TAF6: variants seen among roughly 807,000 people sequenced by gnomAD.
TAF6 encodes the protein TATA-box binding protein associated factor 6.
In TAF6, 50 loss-of-function variants were observed where a neutral mutation model predicts 73.5. The observed-to-expected ratio is 0.68, with a 90% CI of 0.54 to 0.86. The LOEUF (loss-of-function observed/expected upper bound fraction) is 0.86, where lower values mean the gene tolerates loss of function less well. TAF6 is among the 40% of genes least tolerant of loss of function. The pLI, the probability that TAF6 is intolerant of heterozygous loss-of-function variation, is 0.00. For missense variants in TAF6, 768 were observed against 899.5 expected (o/e 0.85, Z 1.87); for synonymous variants, 424 against 376.7 (o/e 1.13, Z -1.45).
chr7:100,121,721 T>G (rs1798072777), upstream of TAF6, among the ~76,000 whole-genome samples: 1 of 151,488 alleles, frequency 6.6e-6, no homozygotes, highest in African/African-American at 2.4e-5. Context: ...ATTACAGGTG[T>G]GAGCCACCAC....
chr7:100,122,309 C>A (rs537019181), upstream of TAF6: 8 of 1,613,926 alleles, frequency 5.0e-6, no homozygotes, highest in South Asian at 3.3e-5. Flanking sequence ...TCGCACCGGT[C>A]GATCTCGAGA....
chr7:100,119,778 CT>C (rs1347948509), upstream of TAF6: 1 of 1,613,988 alleles, frequency 6.2e-7, no homozygotes, highest in Admixed American at 1.7e-5. Flanking sequence ...ATTGCTTTTC[CT>C]TTTTTTGGCC....
In TAF6 at chr7:100,119,319, C is replaced by T; in HGVS notation, c.-175G>A. On this transcript the variant is annotated 5_prime_UTR_variant, in exon 1 of 15. Coordinates refer to ENST00000453269, the MANE Select transcript of TAF6 (RefSeq NM_139315.3). ...AGGAAAACTCTAGCGGCAGCCGAGA[C>T]GCTGCTCACCCGGCGCTCGGCGCCA... 3 of 1,032,444 alleles carry T rather than the reference C, an allele frequency of 2.9e-6. No homozygotes were observed. The highest frequency in any genetic ancestry group is 3.5e-6 in the Non-Finnish European group (3 of 857,972). The allele number at this position is 1,032,444 out of a possible 1,614,324, so 64.0% of individuals were successfully genotyped here.
rs543556832 is a variant in TAF6, at chr7:100,108,472, T to C, written c.1353A>G (p.Glu451=). The C allele has an allele frequency of 2.2e-5, 36 of 1,613,976 alleles. 1 individual carries two copies. The South Asian group carries it at 3.6e-4, about 16-fold the overall frequency. ...PPDNQDAYRA[E]FGSLGPLLCS... ...AGAGGAGGGGCCCAAGGGACCCGAA[T>C]TCTGCCCGATAGGCGTCCTGATTGT... The change falls in exon 13 of 15, where the codon GAA becomes GAG. Residue 451 remains glutamate, a synonymous_variant. Transcript: ENST00000453269.
chr7:100,122,953 A>G (rs753178936), upstream of TAF6: 3 of 1,573,336 alleles, frequency 1.9e-6, no homozygotes. Flanking sequence ...AGGGAACCTG[A>G]GAGGGGAGCT....
chr7:100,124,422 C>T (rs1798159773), upstream of TAF6: 1 of 994,694 alleles, frequency 1.0e-6, no homozygotes, highest in East Asian at 2.4e-5. Context: ...ACCTGCCTCT[C>T]CAAAATCAGT....
At chr7:100,109,548 G>A (rs1796967603) in intron 12 of TAF6, among the ~76,000 whole-genome samples, 1 of 151,922 alleles carries the variant, frequency 6.6e-6, no homozygotes, top group African/African-American at 2.4e-5. Flanking sequence ...CCAGGCTGGA[G>A]TGCAGTGGCA....
chr7:100,116,715 T>C (rs1584571038), intron 1 of TAF6: 1 of 152,086 alleles, frequency 6.6e-6, no homozygotes, highest in African/African-American at 2.4e-5. Flanking sequence ...AAAATTACCT[T>C]CTCCCCATTA....
chr7:100,125,511 A>C, the TAF6 span: 1 of 152,178 alleles, frequency 6.6e-6, no homozygotes, highest in Non-Finnish European at 1.5e-5. Flanking sequence ...TCTAAAAACT[A>C]GCTGGGCCCA....
intron 1 of TAF6, among the ~76,000 whole-genome samples, chr7:100,117,325 G>A (rs1562934129): frequency 6.8e-6 from 1 of 146,354 alleles, no homozygotes; most frequent in African/African-American, 2.5e-5. Flanking sequence ...AGGCTGGAGA[G>A]CAATGGCGCG....
rs1030135073 is a variant in TAF6, at chr7:100,107,576, AGTG to A, written c.1701_1703del (p.Thr568del). The A allele has an allele frequency of 2.5e-6, 4 of 1,613,660 alleles. No homozygotes were observed. The highest frequency in any genetic ancestry group is 2.7e-5 in the African/African-American group (2 of 74,884). ...TGGGGACGGTGGTGGTGACGGGCGA[AGTG>A]GTGGTGGAACCTGAGCCGGGGGCCG... On this transcript the variant is annotated inframe_deletion, in exon 15 of 15. Coordinates refer to ENST00000453269, the MANE Select transcript of TAF6 (RefSeq NM_139315.3).
At position 100,114,212 on chromosome 7, in the gene TAF6, T is replaced by C. The variant is rs922054372; in HGVS notation, c.-3A>G. ...TTCAGCTTCTTCTCCTCAGCCATTC[T>C]GGAGTCCCTCTTCTCCTCCCTGGAA... On this transcript the variant is annotated 5_prime_UTR_variant, in exon 2 of 15. Transcript: ENST00000453269. 2 of 1,614,162 alleles carry C rather than the reference T, an allele frequency of 1.2e-6. No individual in the cohort carries two copies. The highest frequency in any genetic ancestry group is 2.7e-5 in the African/African-American group (2 of 75,000).
rs762187035 is a variant in TAF6 at position 100,112,272 on chromosome 7, G to A, written c.575-19C>T. 12 of 1,606,808 alleles carry A rather than the reference G, an allele frequency of 7.5e-6. No individual in the cohort carries two copies. The African/African-American group carries it at 1.6e-4, about 22-fold the overall frequency. On this transcript the variant is annotated intron_variant, in intron 6 of 14. Transcript: ENST00000453269. Reference sequence around the variant, plus strand: ...TCTTTCCCTGTGTGATTGGAAAGGTGGGTCTGACAAAGAAAGCTCCAGAAG... The same window carrying A: ...TCTTTCCCTGTGTGATTGGAAAGGTAGGTCTGACAAAGAAAGCTCCAGAAG...
upstream of TAF6, chr7:100,122,750 G>A (rs759597218): frequency 6.2e-6 from 10 of 1,600,588 alleles, no homozygotes; most frequent in East Asian, 9.0e-5. Context: ...GTGGGGTGGT[G>A]AGCTGGGCTG....
chr7:100,124,758 T>A, upstream of TAF6: 1 of 1,613,290 alleles, frequency 6.2e-7, no homozygotes, highest in Non-Finnish European at 8.5e-7. Flanking sequence ...GGAAAGGAGA[T>A]CACAGATGGG....
rs771302893 is a variant in TAF6, at chr7:100,107,353, G to T, written c.1927C>A (p.Leu643Ile). The T allele has an allele frequency of 6.4e-7, 1 of 1,560,042 alleles. No homozygotes were observed. Among genetic ancestry groups the T allele is most frequent in the Non-Finnish European group, 8.7e-7 (1 of 1,151,364 alleles). The change falls in exon 15 of 15, where the codon CTT becomes ATT. Residue 643 changes from leucine (L) to isoleucine (I), a missense_variant. By Grantham distance (5) the Leu-to-Ile change is conservative. Transcript: ENST00000453269. Reference sequence around the variant, plus strand: ...CCAGCCTCCTGCTTCCCCCCACAAAGGGCACTGCCGCTGAGTGGGGACGGG... The same window carrying T: ...CCAGCCTCCTGCTTCCCCCCACAAATGGCACTGCCGCTGAGTGGGGACGGG... ...SSPSPLSGSA[L>I]CGGKQEAGDS...
At chr7:100,116,492 A>C (rs942693716) in intron 1 of TAF6, 4 of 152,134 alleles carry the variant, frequency 2.6e-5, no homozygotes, top group Admixed American at 2.6e-4. Context: ...TAAAAAAATT[A>C]GATGGGCATG....
At chr7:100,122,306 G>A (rs759957379), upstream of TAF6, 26 of 1,599,012 alleles carry the variant, frequency 1.6e-5, no homozygotes, top group East Asian at 9.2e-5. Context: ...GAGTCGCACC[G>A]GTCGATCTCG....
chr7:100,124,222 T>C (rs886254492), upstream of TAF6, among the ~76,000 whole-genome samples: 6 of 151,822 alleles, frequency 4.0e-5, no homozygotes, highest in African/African-American at 1.5e-4. Flanking sequence ...CTGGACCAGA[T>C]ACTTTGCATC....
Sources: allele counts gnomAD v4.1 joint callset (sites outside exome capture counted in the v4.1 genomes callset), GRCh38; gene constraint gnomAD v4.1.1; transcripts MANE v1.5; gene names NCBI Gene and HGNC (gene_info 2026-07-23, HGNC 2026-07-21).